The following SLC9C2 variants were observed in gnomAD, a reference collection of about 807,000 sequenced individuals.
SLC9C2 encodes sodium/hydrogen exchanger 11.
In SLC9C2, 75 loss-of-function variants were observed where a neutral mutation model predicts 140.2. The ratio of observed to expected loss-of-function variants is 0.53; its 90% CI spans 0.44 to 0.65. The LOEUF (loss-of-function observed/expected upper bound fraction) is 0.65. Ranked by LOEUF, SLC9C2 falls within the 30% of genes least tolerant of loss-of-function variation. The probability of loss-of-function intolerance (pLI) is 0.00; values close to 1 mark genes in which losing one functional copy is unlikely to be tolerated. For missense variants in SLC9C2, 1,074 were observed against 1,331.8 expected (o/e 0.81, Z 3.01); for synonymous variants, 375 against 420.9 (o/e 0.89, Z 1.34).
At chr1:173,533,927 C>T (rs1361535423) in intron 16 of SLC9C2, 130 bp from the exon 17 acceptor site, 15 of 1,016,338 alleles carry the variant, frequency 1.5e-5, no homozygotes, top group Non-Finnish European at 1.9e-5. Flanking sequence ...TTAAGTTATT[C>T]ATTTGGAATC....
At chr1:173,553,151 G>C (rs1167386743) in intron 11 of SLC9C2, among the ~76,000 whole-genome samples, 5 of 152,204 alleles carry the variant, frequency 3.3e-5, no homozygotes, top group African/African-American at 4.8e-5. Flanking sequence ...GCCTGAAGAT[G>C]TGACTGAATT....
intron 27 of SLC9C2, among the ~76,000 whole-genome samples, chr1:173,501,903 T>G (rs1659299454): frequency 6.6e-6 from 1 of 152,098 alleles, no homozygotes; most frequent in South Asian, 2.1e-4. Flanking sequence ...TAAATAACAG[T>G]GGCAGGACCA....
intron 15 of SLC9C2, 39 bp from the exon 16 acceptor site, chr1:173,534,721 G>T (rs759822895): frequency 7.4e-7 from 1 of 1,355,452 alleles, no homozygotes; most frequent in Non-Finnish European, 9.8e-7. Flanking sequence ...TCACTTAAAA[G>T]TATAATTAGC....
intron 23 of SLC9C2, 136 bp from the exon 24 acceptor site, chr1:173,509,835 T>C (rs1435843401): frequency 1.2e-6 from 1 of 866,252 alleles, no homozygotes; most frequent in Non-Finnish European, 1.7e-6. Context: ...TCTTGTCATT[T>C]AGAAGCATTT....
chr1:173,559,245 T>C (rs1663931709), intron 9 of SLC9C2, among the ~76,000 whole-genome samples: 1 of 152,236 alleles, frequency 6.6e-6, no homozygotes. Context: ...CAAAGTTCCC[T>C]ATAAAGAGCA....
chr1:173,545,377 A>T (rs1013992539), intron 13 of SLC9C2, among the ~76,000 whole-genome samples: 2 of 152,208 alleles, frequency 1.3e-5, no homozygotes, highest in African/African-American at 4.8e-5. Context: ...CTTGGCTACA[A>T]GCATGGATTA....
chr1:173,587,489 C>T (rs999073484), intron 5 of SLC9C2, among the ~76,000 whole-genome samples, 176 bp downstream of exon 5: 3 of 152,046 alleles, frequency 2.0e-5, no homozygotes, highest in Non-Finnish European at 4.4e-5. Context: ...TCCTTGGTGG[C>T]TGTCTTATTT....
intron 9 of SLC9C2, among the ~76,000 whole-genome samples, chr1:173,567,033 C>A (rs1189039385): frequency 6.6e-6 from 1 of 151,914 alleles, no homozygotes; most frequent in African/African-American, 2.4e-5. Flanking sequence ...CTGGAAAATG[C>A]TTGATATTAT....
chr1:173,514,208 T>C (rs1466401038), intron 23 of SLC9C2, among the ~76,000 whole-genome samples: 1 of 152,224 alleles, frequency 6.6e-6, no homozygotes, highest in Non-Finnish European at 1.5e-5. Flanking sequence ...AGGTCCTGAA[T>C]ATGCTTGTTA....
chr1:173,523,592 G>A (rs1660980507), intron 21 of SLC9C2, among the ~76,000 whole-genome samples: 1 of 152,114 alleles, frequency 6.6e-6, no homozygotes, highest in Non-Finnish European at 1.5e-5. Flanking sequence ...ATTACACTAT[G>A]CCCAATTGGC....
intron 17 of SLC9C2, among the ~76,000 whole-genome samples, chr1:173,530,815 G>C (rs762568702): frequency 6.6e-6 from 1 of 152,194 alleles, no homozygotes; most frequent in Non-Finnish European, 1.5e-5. Flanking sequence ...GGGGCAGATG[G>C]CGAGGGACTG....
At chr1:173,560,541 A>C (rs906124395) in intron 9 of SLC9C2, among the ~76,000 whole-genome samples, 2 of 152,220 alleles carry the variant, frequency 1.3e-5, no homozygotes, top group Admixed American at 1.3e-4. Context: ...CCCAAAGCTC[A>C]GGGGAGCCTT....
intron 17 of SLC9C2, among the ~76,000 whole-genome samples, chr1:173,531,973 G>T (rs1661607625): frequency 1.3e-5 from 2 of 152,160 alleles, no homozygotes; most frequent in South Asian, 4.1e-4. Flanking sequence ...CACCTTACAT[G>T]AGCACTTTGC....
chr1:173,532,562 G>A (rs964710433), intron 17 of SLC9C2, among the ~76,000 whole-genome samples: 1 of 152,170 alleles, frequency 6.6e-6, no homozygotes, highest in Non-Finnish European at 1.5e-5. Context: ...TGTGACTGTG[G>A]AGCTATGGAG....
chr1:173,519,201 T>C (rs1436390272), intron 22 of SLC9C2, among the ~76,000 whole-genome samples: 2 of 152,078 alleles, frequency 1.3e-5, no homozygotes, highest in African/African-American at 4.8e-5. Context: ...CCATATGCCT[T>C]TGCTTGCTCT....
chr1:173,550,872 A>AAGAGAGAG (rs143296396), intron 11 of SLC9C2, among the ~76,000 whole-genome samples: 5,067 of 86,198 alleles, frequency 0.059, 321 homozygotes, highest in African/African-American at 0.086. Flanking sequence ...GAGCCGTTGA[A>AAGAGAGAG]AGAGAGAGAG....
chr1:173,520,281 T>A (rs1190541543), intron 22 of SLC9C2, among the ~76,000 whole-genome samples: 1 of 152,204 alleles, frequency 6.6e-6, no homozygotes, highest in Admixed American at 6.5e-5. Context: ...TTGGCCAGGC[T>A]GGTCTCAAAC....
intron 22 of SLC9C2, among the ~76,000 whole-genome samples, chr1:173,518,265 G>GAA (rs58585946): frequency 0.23 from 32,686 of 139,752 alleles, 4,377 homozygotes; most frequent in East Asian, 0.63. Context: ...CCATCTCAAA[G>GAA]AAAAAAAAAA....
chr1:173,589,404 G>A (rs1227704194), intron 4 of SLC9C2, among the ~76,000 whole-genome samples: 1 of 151,828 alleles, frequency 6.6e-6, no homozygotes, highest in African/African-American at 2.4e-5. Context: ...CTAAAAATAA[G>A]AAAAAATTAG....
Sources: allele counts gnomAD v4.1 joint callset (sites outside exome capture counted in the v4.1 genomes callset), GRCh38; gene constraint gnomAD v4.1.1; transcripts MANE v1.5; gene names NCBI Gene and HGNC (gene_info 2026-07-23, HGNC 2026-07-21).